The following FGF10 variants were observed in gnomAD, a reference collection of about 807,000 sequenced individuals.
FGF10 encodes the protein fibroblast growth factor 10.
Under a neutral mutation model 19.8 loss-of-function variants are expected in FGF10, and 2 were observed. That is an observed-to-expected ratio of 0.10 (90% confidence interval 0.04 to 0.32). The LOEUF (loss-of-function observed/expected upper bound fraction) is 0.32. FGF10 is among the 10% of genes least tolerant of loss of function. FGF10 has a pLI of 1.00. For synonymous variants in FGF10, 112 were observed against 94.0 expected (o/e 1.19, Z -1.10); for missense variants, 191 against 246.3 (o/e 0.78, Z 1.50).
At chr5:44,308,744 T>C (rs547448976) in intron 2 of FGF10, among the ~76,000 whole-genome samples, 2 of 152,176 alleles carry the variant, frequency 1.3e-5, no homozygotes, top group East Asian at 3.9e-4. Flanking sequence ...CATGCCTGAC[T>C]CCCCAGTTAA....
In FGF10 at chr5:44,326,889, A is replaced by T. The variant is rs553292546; in HGVS notation, c.326-16359T>A. Among the ~76,000 whole-genome samples, 11 of 152,322 alleles carry T rather than the reference A, an allele frequency of 7.2e-5. No homozygotes were observed. The Middle Eastern group carries it at 0.024, about 330-fold the overall frequency. ...TCCTAGAAAAAGGAAAGAAGAAAGA[A>T]GTGCTCGGTGTTCTTTCTGTTCAAT... is the stretch of plus-strand genomic sequence containing the variant. On this transcript the variant is annotated intron_variant, in intron 1 of 2. Coordinates refer to ENST00000264664, the MANE Select transcript of FGF10 (RefSeq NM_004465.2).
chr5:44,356,865 A>G (rs1741357951), intron 1 of FGF10, among the ~76,000 whole-genome samples: 1 of 151,344 alleles, frequency 6.6e-6, no homozygotes, highest in South Asian at 2.1e-4. Flanking sequence ...CTGATGCAGT[A>G]TTACCCAACT....
intron 1 of FGF10, among the ~76,000 whole-genome samples, chr5:44,367,269 A>T (rs1158890800): frequency 1.3e-5 from 2 of 152,048 alleles, no homozygotes; most frequent in African/African-American, 4.8e-5. Flanking sequence ...GTCAGGAGCC[A>T]GACTTTTTTA....
At chr5:44,349,284 G>T (rs947981858) in intron 1 of FGF10, among the ~76,000 whole-genome samples, 2 of 149,524 alleles carry the variant, frequency 1.3e-5, no homozygotes, top group African/African-American at 4.9e-5. Context: ...TACCCCAGCA[G>T]CCAGATAATT....
chr5:44,313,156 C>G (rs545485935), intron 1 of FGF10, among the ~76,000 whole-genome samples: 1 of 151,950 alleles, frequency 6.6e-6, no homozygotes, highest in South Asian at 2.1e-4. Context: ...ATTTAATATC[C>G]TTTCGAATTT....
intron 1 of FGF10, among the ~76,000 whole-genome samples, chr5:44,330,070 CA>C: frequency 6.6e-6 from 1 of 152,278 alleles, no homozygotes; most frequent in Middle Eastern, 3.4e-3. Flanking sequence ...TGTATTTCTG[CA>C]ACTTTAGTAT....
rs535044529 is a variant in FGF10, at chr5:44,300,880, A to C, written c.*4115T>G. 2.0e-5 allele frequency among the ~76,000 whole-genome samples: 3 copies of C among 152,234 alleles called. No homozygotes were observed. Among genetic ancestry groups the C allele is most frequent in the East Asian group, 3.9e-4 (2 of 5,168 alleles). On this transcript the variant is annotated 3_prime_UTR_variant, in exon 3 of 3. Transcript: ENST00000264664. The stretch of plus-strand genomic sequence containing the variant: ...GTATGTTATCCAAACCTGGCCAATA[A>C]GAGTTATATCTAGGATGTTTACCTT...
chr5:44,359,722 T>C lies in FGF10; in HGVS notation c.325+28636A>G, dbSNP rs141754802. 2.3e-3 allele frequency among the ~76,000 whole-genome samples: 354 copies of C among 151,554 alleles called. 1 individual carries two copies. The highest frequency in any genetic ancestry group is 8.1e-3 in the African/African-American group (337 of 41,446). On this transcript the variant is annotated intron_variant, in intron 1 of 2. Coordinates refer to ENST00000264664, the MANE Select transcript of FGF10 (RefSeq NM_004465.2). ...TCTTTTTGAAAAATTCATATAAATTTATGGGATACAAGTGGAATTTTGTTA... is the reference window on the plus strand; with the variant it reads ...TCTTTTTGAAAAATTCATATAAATTCATGGGATACAAGTGGAATTTTGTTA...
chr5:44,327,500 A>T (rs1002210998), intron 1 of FGF10, among the ~76,000 whole-genome samples: 5 of 152,192 alleles, frequency 3.3e-5, no homozygotes, highest in African/African-American at 1.2e-4. Flanking sequence ...CCAATATCTC[A>T]GTCCACACCC....
At chr5:44,370,406 G>A (rs1381487758) in intron 1 of FGF10, among the ~76,000 whole-genome samples, 1 of 152,096 alleles carries the variant, frequency 6.6e-6, no homozygotes, top group East Asian at 1.9e-4. Flanking sequence ...TGGCACTGGG[G>A]TTGGTAGAAT....
intron 1 of FGF10, among the ~76,000 whole-genome samples, chr5:44,319,683 A>G (rs1740437650): frequency 6.6e-6 from 1 of 152,202 alleles, no homozygotes; most frequent in South Asian, 2.1e-4. Context: ...ATGATTACTT[A>G]GTGGGTAATC....
chr5:44,322,067 C>A (rs1033734482), intron 1 of FGF10, among the ~76,000 whole-genome samples: 1 of 152,112 alleles, frequency 6.6e-6, no homozygotes, highest in African/African-American at 2.4e-5. Flanking sequence ...CCAGCTACAT[C>A]TTCCCTTATA....
At chr5:44,362,221 G>A (rs1413051176) in intron 1 of FGF10, among the ~76,000 whole-genome samples, 2 of 151,628 alleles carry the variant, frequency 1.3e-5, no homozygotes, top group African/African-American at 2.4e-5. Flanking sequence ...TCCATGATGT[G>A]TGCTACTTTC....
chr5:44,340,644 CAG>C (rs748045515), intron 1 of FGF10, among the ~76,000 whole-genome samples: 1 of 151,830 alleles, frequency 6.6e-6, no homozygotes, highest in Non-Finnish European at 1.5e-5. Flanking sequence ...TTTAGGACAG[CAG>C]AGTGTTACTT....
intron 1 of FGF10, among the ~76,000 whole-genome samples, chr5:44,326,824 A>T (rs1432835023): frequency 6.6e-6 from 1 of 152,186 alleles, no homozygotes; most frequent in Non-Finnish European, 1.5e-5. Context: ...GAAGAAACTC[A>T]TGTGAAAAGT....
chr5:44,307,354 A>T (rs1740102511), intron 2 of FGF10, among the ~76,000 whole-genome samples: 1 of 152,138 alleles, frequency 6.6e-6, no homozygotes, highest in South Asian at 2.1e-4. Context: ...GAGTTTTTTT[A>T]AAAGAAGTTT....
chr5:44,376,521 A>AAAAAAAAAAAAAAAAAAAAAG (rs1427438980), intron 1 of FGF10, among the ~76,000 whole-genome samples: 1 of 147,248 alleles, frequency 6.8e-6, no homozygotes, highest in Non-Finnish European at 1.5e-5. Flanking sequence ...AAAAAAACAA[A>AAAAAAAAAAAAAAAAAAAAAG]AAACCCACAA....
chr5:44,311,535 G>A (rs1396994946), intron 1 of FGF10, among the ~76,000 whole-genome samples: 1 of 152,034 alleles, frequency 6.6e-6, no homozygotes, highest in Non-Finnish European at 1.5e-5. Context: ...AGTGTCCCAT[G>A]ACTCAATTTT....
chr5:44,333,031 A>T (rs1388546825), intron 1 of FGF10, among the ~76,000 whole-genome samples: 2 of 152,144 alleles, frequency 1.3e-5, no homozygotes. Flanking sequence ...CAGTATATGC[A>T]TTAGGACTTA....
Sources: gnomAD v4.1 joint callset for allele counts (sites outside exome capture counted in the v4.1 genomes callset) on GRCh38, gnomAD v4.1.1 for gene constraint, MANE v1.5 for transcripts, NCBI Gene and HGNC (gene_info 2026-07-23, HGNC 2026-07-21) for gene names.